The following HS6ST3 variants were observed in gnomAD, a reference collection of about 807,000 sequenced individuals.
The protein encoded by HS6ST3 is heparan sulfate 6-O-sulfotransferase 3, also known as heparan-sulfate 6-O-sulfotransferase 3.
Under a neutral mutation model 36.7 loss-of-function variants are expected in HS6ST3, and 12 were observed. The ratio of observed to expected loss-of-function variants is 0.33; its 90% CI spans 0.21 to 0.53. HS6ST3 has a LOEUF of 0.53. HS6ST3 is among the 20% of genes least tolerant of loss of function. The pLI is 0.95. For synonymous variants in HS6ST3, 240 were observed against 257.5 expected (o/e 0.93, Z 0.65); for missense variants, 584 against 640.9 (o/e 0.91, Z 0.96).
chr13:96,744,627 C>G (rs1222068948), intron 1 of HS6ST3, among the ~76,000 whole-genome samples: 1 of 152,056 alleles, frequency 6.6e-6, no homozygotes, highest in African/African-American at 2.4e-5. Flanking sequence ...TTCTGAGAAG[C>G]CTTCCCCTTG....
At chr13:96,517,933 C>G (rs1399813193) in intron 1 of HS6ST3, among the ~76,000 whole-genome samples, 1 of 152,154 alleles carries the variant, frequency 6.6e-6, no homozygotes. Flanking sequence ...CCGCTATTTA[C>G]TATAGCAATG....
intron 1 of HS6ST3, among the ~76,000 whole-genome samples, chr13:96,609,078 T>A (rs1445817277): frequency 2.0e-5 from 3 of 152,084 alleles, no homozygotes; most frequent in African/African-American, 7.2e-5. Context: ...CATGCCATTC[T>A]CCTGCCTCAG....
chr13:96,832,398 C>T, intron 1 of HS6ST3, 92 bp from the exon 2 acceptor site: 1 of 907,544 alleles, frequency 1.1e-6, no homozygotes, highest in Non-Finnish European at 1.6e-6. Context: ...GCAAAGAGTC[C>T]CTTGACTCAA....
intron 1 of HS6ST3, among the ~76,000 whole-genome samples, chr13:96,685,874 A>G (rs1874766055): frequency 6.6e-6 from 1 of 152,058 alleles, no homozygotes; most frequent in African/African-American, 2.4e-5. Flanking sequence ...CTGACAAATC[A>G]TAAGGGCCAG....
In HS6ST3 at chr13:96,431,912, C is replaced by A. The variant is rs77959228; in HGVS notation, c.707+340343C>A. ...ATAACTCAGTGGTCTATACCTGTGTCTTTTCCAGAACAAAGCATGGTCAGC... is the reference window on the plus strand; with the variant it reads ...ATAACTCAGTGGTCTATACCTGTGTATTTTCCAGAACAAAGCATGGTCAGC... On this transcript the variant is annotated intron_variant, in intron 1 of 1. Coordinates refer to ENST00000376705, the MANE Select transcript of HS6ST3 (RefSeq NM_153456.4). Among the ~76,000 whole-genome samples, 868 of 152,252 alleles carry A rather than the reference C, an allele frequency of 5.7e-3. 34 individuals are homozygous for A. The East Asian group carries it at 0.11, about 19-fold the overall frequency.
At chr13:96,136,933 G>C (rs2139314940) in intron 1 of HS6ST3, among the ~76,000 whole-genome samples, 1 of 151,944 alleles carries the variant, frequency 6.6e-6, no homozygotes, top group South Asian at 2.1e-4. Flanking sequence ...GGTGTGAAAG[G>C]GTCATGCTAG....
chr13:96,652,846 T>C (rs564644424), intron 1 of HS6ST3, among the ~76,000 whole-genome samples: 174 of 152,188 alleles, frequency 1.1e-3, no homozygotes, highest in Non-Finnish European at 1.8e-3. Context: ...TTCAACCTCA[T>C]ATTTAGTAGC....
chr13:96,115,195 C>T (rs1401503187), intron 1 of HS6ST3, among the ~76,000 whole-genome samples: 1 of 152,202 alleles, frequency 6.6e-6, no homozygotes, highest in African/African-American at 2.4e-5. Flanking sequence ...CATTATATTA[C>T]ATTTTTGCAT....
intron 1 of HS6ST3, among the ~76,000 whole-genome samples, chr13:96,554,495 C>T (rs969319660): frequency 7.2e-5 from 11 of 152,102 alleles, no homozygotes; most frequent in African/African-American, 2.7e-4. Context: ...ATAACAAAAC[C>T]AATGTTCACT....
chr13:96,308,309 A>G (rs1283539011), intron 1 of HS6ST3, among the ~76,000 whole-genome samples: 3 of 152,118 alleles, frequency 2.0e-5, no homozygotes, highest in Non-Finnish European at 4.4e-5. Flanking sequence ...GAAGAATAAC[A>G]GATTCATTTC....
Position 96,622,523 on chromosome 13 carries a change from G to C in HS6ST3, c.708-209967G>C, listed in dbSNP as rs181175123. On this transcript the variant is annotated intron_variant, in intron 1 of 1. Transcript: ENST00000376705. ...ATACTTGACATAAATGGGATTAAAT[G>C]GTTAAGAATATGTGTGGGCTAACAA... 9.7e-4 allele frequency among the ~76,000 whole-genome samples: 147 copies of C among 152,282 alleles called. 1 individual carries two copies. Among genetic ancestry groups the C allele is most frequent in the Middle Eastern group, 3.4e-3 (1 of 294 alleles).
chr13:96,262,026 G>A (rs555045162), intron 1 of HS6ST3, among the ~76,000 whole-genome samples: 12 of 152,148 alleles, frequency 7.9e-5, no homozygotes, highest in Non-Finnish European at 1.5e-4. Flanking sequence ...GTATTACCAT[G>A]ACAGTGAGAT....
At chr13:96,679,471 A>G (rs187894192) in intron 1 of HS6ST3, among the ~76,000 whole-genome samples, 10 of 152,162 alleles carry the variant, frequency 6.6e-5, no homozygotes, top group Non-Finnish European at 7.4e-5. Flanking sequence ...TAAAGTGGTA[A>G]CATGGACACA....
intron 1 of HS6ST3, among the ~76,000 whole-genome samples, chr13:96,288,642 GTGATAAAGACCATTTACTAATCAGCA>G (rs1327974114): frequency 1.7e-4 from 26 of 152,024 alleles, no homozygotes; most frequent in African/African-American, 6.0e-4. Context: ...ATACTTCAGC[GTGATAAAGACCATTTACTAATCAGCA>G]TGATAAAGAC....
intron 1 of HS6ST3, among the ~76,000 whole-genome samples, chr13:96,163,379 A>G (rs545763985): frequency 1.3e-4 from 20 of 151,722 alleles, no homozygotes; most frequent in East Asian, 7.8e-4. Context: ...ACAGGCGCCC[A>G]CCACCATGCC....
At chr13:96,106,074 T>C (rs2053840175) in intron 1 of HS6ST3, among the ~76,000 whole-genome samples, 1 of 152,244 alleles carries the variant, frequency 6.6e-6, no homozygotes, top group Non-Finnish European at 1.5e-5. Flanking sequence ...TCTGAAAATA[T>C]GCTAGGCTGA....
intron 1 of HS6ST3, among the ~76,000 whole-genome samples, chr13:96,450,070 T>C (rs901378458): frequency 2.0e-5 from 3 of 152,358 alleles, no homozygotes; most frequent in South Asian, 2.1e-4. Flanking sequence ...TTATGCCTTA[T>C]GTTCCAAAGA....
rs111579375 is a variant in HS6ST3 at position 96,198,014 on chromosome 13, A to G, written c.707+106445A>G. Among the ~76,000 whole-genome samples, 110 of 152,352 alleles carry G rather than the reference A, an allele frequency of 7.2e-4. 1 individual carries two copies. Among genetic ancestry groups the G allele is most frequent in the African/African-American group, 2.4e-3 (99 of 41,592 alleles). On this transcript the variant is annotated intron_variant, in intron 1 of 1. Transcript: ENST00000376705. ...GGAGCAGACTTTTGCCTGGGCATCC[A>G]GGTACTTCCATACATCTTCTGAAAT...
intron 1 of HS6ST3, among the ~76,000 whole-genome samples, chr13:96,370,095 T>G (rs922734621): frequency 6.6e-6 from 1 of 151,992 alleles, no homozygotes; most frequent in Non-Finnish European, 1.5e-5. Flanking sequence ...CTGGCAATGA[T>G]AAAAACAAAA....
Sources: allele counts gnomAD v4.1 joint callset (sites outside exome capture counted in the v4.1 genomes callset), GRCh38; gene constraint gnomAD v4.1.1; transcripts MANE v1.5; gene names NCBI Gene and HGNC (gene_info 2026-07-23, HGNC 2026-07-21).